Variants in PDPR observed in about 807,000 individuals in gnomAD.
PDPR encodes pyruvate dehydrogenase phosphatase regulatory subunit, also known as pyruvate dehydrogenase phosphatase regulatory subunit, mitochondrial.
Under a neutral mutation model 102.2 loss-of-function variants are expected in PDPR, and 50 were observed. The ratio of observed to expected loss-of-function variants is 0.49; its 90% confidence interval spans 0.39 to 0.62. PDPR has a LOEUF of 0.62. PDPR is among the 20% of genes least tolerant of loss of function. The pLI, the probability that PDPR is intolerant of heterozygous loss-of-function variation, is 0.00. For synonymous variants in PDPR, 259 were observed against 406.0 expected (o/e 0.64, Z 4.35); for missense variants, 625 against 1,098.2 (o/e 0.57, Z 6.09).
chr16:70,157,344 G>T lies in PDPR; in HGVS notation c.*465G>T. 2.6e-6 allele frequency: 1 copy of T among 380,380 alleles called. No individual in the cohort carries two copies. The highest frequency in any genetic ancestry group is 5.2e-6 in the Non-Finnish European group (1 of 193,474). The allele number at this position is 380,380 out of a possible 1,614,324, so 23.6% of individuals were successfully genotyped here. ...CGTGTGTCGGATGCAGCCCTGAGGG[G>T]CAGCTCGTGCCTGCAGCCCGGCAGC... On this transcript the variant is annotated 3_prime_UTR_variant, in exon 19 of 19. Coordinates refer to ENST00000288050, the MANE Select transcript of PDPR (RefSeq NM_017990.5).
At chr16:70,149,121 C>T (rs1283433311) in intron 17 of PDPR, among the ~76,000 whole-genome samples, 3 of 151,784 alleles carry the variant, frequency 2.0e-5, no homozygotes, top group East Asian at 3.9e-4. Context: ...TCTCAAACTC[C>T]TGACCTCAGG....
chr16:70,152,931 C>T (rs1037340040), intron 17 of PDPR, among the ~76,000 whole-genome samples: 6 of 152,284 alleles, frequency 3.9e-5, no homozygotes, highest in African/African-American at 9.6e-5. Flanking sequence ...TCTCGAGTAA[C>T]GTGTGAGAGC....
At chr16:70,137,655 T>G (rs1965287073) in intron 10 of PDPR, among the ~76,000 whole-genome samples, 2 of 152,274 alleles carry the variant, frequency 1.3e-5, no homozygotes, top group African/African-American at 4.8e-5. Flanking sequence ...GGTAAGATGG[T>G]AGCCACGATG....
intron 9 of PDPR, among the ~76,000 whole-genome samples, chr16:70,135,609 A>G (rs1213386587): frequency 6.6e-6 from 1 of 152,272 alleles, no homozygotes; most frequent in Non-Finnish European, 1.5e-5. Flanking sequence ...GGTCCCTTCA[A>G]GATTATTATC....
At chr16:70,118,953 CTG>C (rs1222143107) in intron 2 of PDPR, among the ~76,000 whole-genome samples, 1 of 152,108 alleles carries the variant, frequency 6.6e-6, no homozygotes, top group African/African-American at 2.4e-5. Context: ...TTTGTGCTGA[CTG>C]TGGAGCATCT....
chr16:70,152,904 T>C (rs1264794616), intron 17 of PDPR, among the ~76,000 whole-genome samples: 1 of 152,290 alleles, frequency 6.6e-6, no homozygotes, highest in Non-Finnish European at 1.5e-5. Flanking sequence ...CCCGCCGTCA[T>C]CCGATGTGTG....
At chr16:70,132,586 C>G (rs1817013353) in intron 9 of PDPR, among the ~76,000 whole-genome samples, 1 of 151,786 alleles carries the variant, frequency 6.6e-6, no homozygotes, top group South Asian at 2.1e-4. Flanking sequence ...GCTCCGTGCT[C>G]AGACTGGAGT....
At chr16:70,132,649 T>A (rs1393792713) in intron 9 of PDPR, among the ~76,000 whole-genome samples, 15 of 132,106 alleles carry the variant, frequency 1.1e-4, no homozygotes, top group Non-Finnish European at 2.1e-4. Flanking sequence ...TCTCATAGCT[T>A]TTTTTTTTTC....
chr16:70,146,346 A>G, intron 16 of PDPR, 118 bp downstream of exon 16: 1 of 1,511,438 alleles, frequency 6.6e-7, no homozygotes, highest in Non-Finnish European at 9.0e-7. Context: ...TGGCTGGGTG[A>G]GGTGGCACAT....
Position 70,142,338 on chromosome 16 carries a change from A to T in PDPR, c.1420A>T (p.Met474Leu), listed in dbSNP as rs1965804370. ...GCTGGATGCACAGGGAGCCAGGTGG[A>T]TGGAGAAACATGGATTTGAGAGGCC... Reference protein sequence around the residue: ...DRLDAQGARWMEKHGFERPKY... With the variant: ...DRLDAQGARWLEKHGFERPKY... Residue 474 changes from methionine to leucine, a missense_variant, in exon 12 of 19, where the codon ATG becomes TTG. Met to Leu is a conservative substitution (Grantham distance 15, BLOSUM62 2). Transcript: ENST00000288050. The T allele has an allele frequency of 1.2e-6, 2 of 1,613,822 alleles. No individual in the cohort carries two copies. Among genetic ancestry groups the T allele is most frequent in the Non-Finnish European group, 1.7e-6 (2 of 1,179,878 alleles).
intron 18 of PDPR, among the ~76,000 whole-genome samples, chr16:70,155,281 AT>A (rs1186081321): frequency 7.9e-5 from 12 of 151,268 alleles, no homozygotes; most frequent in East Asian, 3.9e-4. Flanking sequence ...GGTAGTAACT[AT>A]TTTTTTTTTC....
rs970054655 is a variant in PDPR at position 70,145,753 on chromosome 16, G to A, written c.1868-381G>A. On this transcript the variant is annotated intron_variant, in intron 15 of 18. Coordinates refer to ENST00000288050, the MANE Select transcript of PDPR (RefSeq NM_017990.5). ...GAATAATGCTTTCCTTATCTAGTAA[G>A]CATTAGGATATGTTTGAAGTGGATT... is the stretch of plus-strand genomic sequence containing the variant. 2.8e-5 allele frequency: 13 copies of A among 461,864 alleles called. No homozygotes were observed. The East Asian group carries it at 6.0e-4, about 21-fold the overall frequency. The allele number at this position is 461,864 out of a possible 1,614,324, so 28.6% of individuals were successfully genotyped here. A position where few individuals can be genotyped will look rare whatever the true frequency, so the allele number is the denominator to read the frequency against.
intron 3 of PDPR, among the ~76,000 whole-genome samples, chr16:70,122,607 T>C (rs1407996097): frequency 9.2e-5 from 14 of 152,378 alleles, no homozygotes; most frequent in South Asian, 4.1e-4. Context: ...CCCCTTGTAA[T>C]GGGCCAGTGC....
At chr16:70,152,255 A>G (rs917769653) in intron 17 of PDPR, among the ~76,000 whole-genome samples, 1 of 152,274 alleles carries the variant, frequency 6.6e-6, no homozygotes, top group Non-Finnish European at 1.5e-5. Context: ...ACGGTGGCTC[A>G]TGTCTGTAAT....
intron 2 of PDPR, among the ~76,000 whole-genome samples, chr16:70,115,630 G>A (rs1008083593): frequency 6.6e-6 from 1 of 152,202 alleles, no homozygotes; most frequent in African/African-American, 2.4e-5. Context: ...GTGACCGGCA[G>A]TCCACTGTGC....
chr16:70,126,049 TATTC>T (rs1278002612), intron 3 of PDPR, among the ~76,000 whole-genome samples: 3 of 152,406 alleles, frequency 2.0e-5, no homozygotes, highest in Admixed American at 6.5e-5. Context: ...TGTGTATGGA[TATTC>T]ATTTATTATA....
At chr16:70,147,763 G>A (rs1468334843) in intron 16 of PDPR, 2 of 366,348 alleles carry the variant, frequency 5.5e-6, no homozygotes, top group East Asian at 1.5e-4. Context: ...CCGAGGCAAA[G>A]TGAAAGCAAC....
intron 9 of PDPR, among the ~76,000 whole-genome samples, chr16:70,134,177 T>A (rs1964854304): frequency 6.6e-6 from 1 of 152,376 alleles, no homozygotes; most frequent in South Asian, 2.1e-4. Flanking sequence ...AGAATTGTTT[T>A]GTTAGTGTAG....
chr16:70,142,717 T>G, intron 13 of PDPR, 31 bp downstream of exon 13: 1 of 1,613,596 alleles, frequency 6.2e-7, no homozygotes, highest in Non-Finnish European at 8.5e-7. Flanking sequence ...AAGTAATAGA[T>G]TAGGAAACTT....
Sources: gnomAD v4.1 joint callset for allele counts (sites outside exome capture counted in the v4.1 genomes callset) on GRCh38, gnomAD v4.1.1 for gene constraint, MANE v1.5 for transcripts, NCBI Gene and HGNC (gene_info 2026-07-23, HGNC 2026-07-21) for gene names.